PRCC: variants seen among roughly 807,000 people sequenced by gnomAD.
PRCC encodes proline-rich protein PRCC.
In PRCC, 10 loss-of-function variants were observed where a neutral mutation model predicts 44.0. The observed-to-expected ratio is 0.23, with a 90% CI of 0.14 to 0.39. The LOEUF (loss-of-function observed/expected upper bound fraction) is 0.39. Ranked by LOEUF, PRCC falls within the 10% of genes least tolerant of loss-of-function variation. The pLI, the probability that PRCC is intolerant of heterozygous loss-of-function variation, is 1.00. For synonymous variants in PRCC, 278 were observed against 259.5 expected, an observed-to-expected ratio of 1.07 and a Z score of -0.69; for missense variants, 573 against 624.7, an observed-to-expected ratio of 0.92 and a Z score of 0.88.
intron 1 of PRCC, among the ~76,000 whole-genome samples, chr1:156,775,173 G>A (rs1467241069): frequency 4.0e-5 from 6 of 151,818 alleles, no homozygotes; most frequent in African/African-American, 1.2e-4. Context: ...GTGTGAACCC[G>A]GGAGGTGGAG....
In PRCC at chr1:156,774,157, CTTTTTTTTTTTTTTTTTT is replaced by C. The variant is rs76271348; in HGVS notation, c.468+5937_468+5954del. ...GAGTTTCTTTCTTTTTTTGAGTCAC[CTTTTTTTTTTTTTTTTTT>C]TTTTTTTTTTTTTTTTTTGAGACAG... On this transcript the variant is annotated intron_variant, in intron 1 of 6. Coordinates refer to ENST00000271526, the MANE Select transcript of PRCC (RefSeq NM_005973.5). 5.1e-3 allele frequency among the ~76,000 whole-genome samples: 275 copies of C among 53,992 alleles called. 2 individuals carry two copies. Among genetic ancestry groups the C allele is most frequent in the African/African-American group, 0.018 (224 of 12,126 alleles). 35.4% of individuals were successfully genotyped at this position (53,992 alleles called of 152,430 possible).
chr1:156,788,971 T>C (rs779059962), intron 3 of PRCC, among the ~76,000 whole-genome samples: 4 of 151,414 alleles, frequency 2.6e-5, no homozygotes, highest in Non-Finnish European at 5.9e-5. Context: ...CTGCCTATTT[T>C]TTATTTTTTT....
At chr1:156,797,979 T>A (rs986436624) in intron 6 of PRCC, among the ~76,000 whole-genome samples, 1 of 152,164 alleles carries the variant, frequency 6.6e-6, no homozygotes. Flanking sequence ...GGTCTTACTC[T>A]GTCACCCAGG....
chr1:156,792,781 A>C (rs1339279961), intron 4 of PRCC, among the ~76,000 whole-genome samples: 1 of 152,180 alleles, frequency 6.6e-6, no homozygotes, highest in East Asian at 1.9e-4. Context: ...AAGGGGGTCT[A>C]GGAAATGTAA....
chr1:156,768,268 C>G, intron 1 of PRCC, 29 bp downstream of exon 1: 1 of 1,534,890 alleles, frequency 6.5e-7, no homozygotes, highest in African/African-American at 1.4e-5. Flanking sequence ...CACCCCCAAA[C>G]TGTCCATCGG....
intron 4 of PRCC, 64 bp from the exon 5 acceptor site, chr1:156,794,601 C>G: frequency 6.3e-7 from 1 of 1,580,410 alleles, no homozygotes; most frequent in Non-Finnish European, 8.6e-7. Flanking sequence ...AACTCTGGCT[C>G]TTTAGTGGCA....
At chr1:156,791,674 T>G (rs1166468826) in intron 3 of PRCC, 23 bp from the exon 4 acceptor site, 1 of 1,602,480 alleles carries the variant, frequency 6.2e-7, no homozygotes, top group South Asian at 1.1e-5. Context: ...GTTGGTGTGT[T>G]TTTCTTTCCT....
Position 156,787,050 on chromosome 1 carries a change from C to T in PRCC, c.959C>T (p.Pro320Leu), listed in dbSNP as rs1432952931. The change falls in exon 3 of 7, where the codon CCC becomes CTC. Residue 320 changes from proline (P) to leucine (L), a missense_variant. Physicochemically the swap from Pro to Leu is moderately conservative, Grantham distance 98. Coordinates refer to ENST00000271526, the MANE Select transcript of PRCC (RefSeq NM_005973.5). Reference protein sequence around the residue: ...PAFQDDAANAPLEFKMAAGSS... With the variant: ...PAFQDDAANALLEFKMAAGSS... ...TTCCAGGACGATGCAGCCAATGCCC[C>T]CCTTGAATTCAAGATGGCAGCAGGT... is the stretch of plus-strand genomic sequence containing the variant. The T allele has an allele frequency of 1.2e-6, 2 of 1,614,206 alleles. No homozygotes were observed. Among genetic ancestry groups the T allele is most frequent in the Admixed American group, 3.3e-5 (2 of 60,022 alleles).
intron 1 of PRCC, among the ~76,000 whole-genome samples, chr1:156,771,092 C>G (rs1402759427): frequency 6.6e-6 from 1 of 152,154 alleles, no homozygotes; most frequent in Non-Finnish European, 1.5e-5. Flanking sequence ...GGGGAGATGT[C>G]TAAGCAGAGA....
Position 156,768,112 on chromosome 1 carries a change from C to T in PRCC, c.341C>T (p.Ser114Leu), listed in dbSNP as rs1207517062. ...VGEGLGLGLP[S>L]PRGPGLNLPP... ...GAGGGACTGGGATTGGGGTTGCCCT[C>T]GCCCCGAGGCCCTGGCCTCAATCTG... The change falls in exon 1 of 7, where the codon TCG becomes TTG. Residue 114 changes from serine (S) to leucine (L), a missense_variant. Coordinates refer to ENST00000271526, the MANE Select transcript of PRCC (RefSeq NM_005973.5). 5.1e-6 allele frequency: 8 copies of T among 1,579,808 alleles called. No individual in the cohort carries two copies. Among genetic ancestry groups the T allele is most frequent in the South Asian group, 1.1e-5 (1 of 87,070 alleles).
chr1:156,793,858 G>T (rs1384833002), intron 4 of PRCC, among the ~76,000 whole-genome samples: 1 of 151,642 alleles, frequency 6.6e-6, no homozygotes, highest in East Asian at 1.9e-4. Context: ...AAACTTCTGG[G>T]CTCAAGTGAT....
rs1233481291 is a variant in PRCC at position 156,800,400 on chromosome 1, G to A, written c.1416G>A (p.Lys472=). ...CCAAGGAGCGGGAGCTGGAACTGAAGAACACCTGGTCAGAGAACAAGCTCA... is the reference window on the plus strand; with the variant it reads ...CCAAGGAGCGGGAGCTGGAACTGAAAAACACCTGGTCAGAGAACAAGCTCA... ...HQAKERELEL[K]NTWSENKLSR... is the part of the protein sequence containing the mutation. The change falls in exon 7 of 7, where the codon AAG becomes AAA. Residue 472 remains lysine (K), a synonymous_variant. Transcript: ENST00000271526. The A allele has an allele frequency of 6.2e-7, 1 of 1,614,190 alleles. No individual in the cohort carries two copies. Among genetic ancestry groups the A allele is most frequent in the Admixed American group, 1.7e-5 (1 of 60,022 alleles).
intron 3 of PRCC, 199 bp from the exon 4 acceptor site, chr1:156,791,498 A>T: frequency 1.7e-6 from 1 of 579,770 alleles, no homozygotes; most frequent in Non-Finnish European, 3.0e-6. Context: ...TGTAGATGAG[A>T]AAAGCTGTAG....
rs763973148 is a variant in PRCC at position 156,786,784 on chromosome 1, T to C, written c.693T>C (p.Pro231=). 1.2e-6 allele frequency: 2 copies of C among 1,614,206 alleles called. No homozygotes were observed. The highest frequency in any genetic ancestry group is 3.3e-5 in the Admixed American group (2 of 60,026). Residue 231 remains proline, a synonymous_variant, in exon 3 of 7, where the codon CCT becomes CCC. Transcript: ENST00000271526. ...AGACCAAGACTTCCTCTCTTGCCCC[T>C]GTTGTGGGCACCACAACCACCACTC... ...ASKTKTSSLA[P]VVGTTTTTPS...
chr1:156,779,128 ATTTTTTTTTTTTTTTT>A lies in PRCC; in HGVS notation c.469-3138_469-3123del, dbSNP rs869088692. 3.1e-3 allele frequency among the ~76,000 whole-genome samples: 111 copies of A among 35,870 alleles called. 1 individual carries two copies. The East Asian group carries it at 0.044, about 14-fold the overall frequency. 23.5% of individuals were successfully genotyped at this position (35,870 alleles called of 152,430 possible). On this transcript the variant is annotated intron_variant, in intron 1 of 6. Transcript: ENST00000271526. ...AATATATATATATATATATATATAT[ATTTTTTTTTTTTTTTT>A]TTTTTTTTTTTTTTTCTTTTTTTCT...
Position 156,786,760 on chromosome 1 carries a change from G to A in PRCC, c.669G>A (p.Lys223=). 1 of 1,614,174 alleles carries A rather than the reference G, an allele frequency of 6.2e-7. No individual in the cohort carries two copies. Among genetic ancestry groups the A allele is most frequent in the Non-Finnish European group, 8.5e-7 (1 of 1,180,032 alleles). Residue 223 remains lysine, a synonymous_variant, in exon 3 of 7, where the codon AAG becomes AAA. Transcript: ENST00000271526. The part of the protein sequence containing the change: ...PDTKPSRLAS[K]TKTSSLAPVV... ...CTAAGCCCTCCAGACTGGCTTCTAA[G>A]ACCAAGACTTCCTCTCTTGCCCCTG...
chr1:156,791,455 C>G (rs146188206), intron 3 of PRCC: 1 of 539,938 alleles, frequency 1.9e-6, no homozygotes, highest in Non-Finnish European at 3.3e-6. Context: ...TTCTTGTTAC[C>G]CTTTCCTAAA....
At chr1:156,774,644 A>G (rs1651754753) in intron 1 of PRCC, among the ~76,000 whole-genome samples, 1 of 151,674 alleles carries the variant, frequency 6.6e-6, no homozygotes, top group Non-Finnish European at 1.5e-5. Context: ...GTGCCACTGT[A>G]CCTGGCTATG....
chr1:156,787,158 C>T lies in PRCC; in HGVS notation c.1067C>T (p.Ala356Val). ...TCCACATATGGCGATGCCAATGCCG[C>T]TGGTGCTTATTATCAGGTGGGTAGG... Reference protein sequence around the residue: ...QFSTYGDANAAGAYYQDYYSG... With the variant: ...QFSTYGDANAVGAYYQDYYSG... Residue 356 changes from alanine to valine, a missense_variant, in exon 3 of 7, where the codon GCT becomes GTT. Transcript: ENST00000271526. 6 of 1,603,676 alleles carry T rather than the reference C, an allele frequency of 3.7e-6. No homozygotes were observed. Among genetic ancestry groups the T allele is most frequent in the Non-Finnish European group, 5.1e-6 (6 of 1,171,916 alleles).
Sources: gnomAD v4.1 joint callset for allele counts (sites outside exome capture counted in the v4.1 genomes callset) on GRCh38, gnomAD v4.1.1 for gene constraint, MANE v1.5 for transcripts, NCBI Gene and HGNC (gene_info 2026-07-23, HGNC 2026-07-21) for gene names.